Variants in HTR2A observed in about 807,000 individuals in gnomAD.
HTR2A encodes 5-hydroxytryptamine receptor 2A.
Under a neutral mutation model 31.0 loss-of-function variants are expected in HTR2A, and 14 were observed. The observed-to-expected ratio is 0.45, with a 90% CI of 0.30 to 0.71. The LOEUF is 0.71. Ranked by LOEUF, HTR2A falls within the 30% of genes least tolerant of loss-of-function variation. HTR2A has a pLI of 0.09. For synonymous variants in HTR2A, 209 were observed against 225.2 expected, an observed-to-expected ratio of 0.93 and a Z score of 0.64; for missense variants, 442 against 573.3, an observed-to-expected ratio of 0.77 and a Z score of 2.34.
intron 2 of HTR2A, among the ~76,000 whole-genome samples, chr13:46,894,335 C>T (rs775510878): frequency 1.6e-4 from 24 of 152,206 alleles, no homozygotes; most frequent in Non-Finnish European, 2.9e-4. Flanking sequence ...CTCCTACCCC[C>T]ACTGGAGTTT....
At chr13:46,896,550 A>G (rs1951106652) in intron 1 of HTR2A, 124 bp downstream of exon 1, 3 of 778,550 alleles carry the variant, frequency 3.9e-6, no homozygotes, top group Non-Finnish European at 3.9e-6. Flanking sequence ...AGTCTTAAGT[A>G]AAGATTAGCA....
At chr13:46,864,819 C>T (rs1950807085) in intron 3 of HTR2A, among the ~76,000 whole-genome samples, 1 of 152,154 alleles carries the variant, frequency 6.6e-6, no homozygotes, top group African/African-American at 2.4e-5. Flanking sequence ...ATCTGTTTGG[C>T]TGTATAAAAG....
At chr13:46,840,411 A>G (rs1950589245) in intron 3 of HTR2A, among the ~76,000 whole-genome samples, 1 of 152,180 alleles carries the variant, frequency 6.6e-6, no homozygotes, top group Non-Finnish European at 1.5e-5. Flanking sequence ...TTTTTCTCAG[A>G]TTAATTCCAA....
At chr13:46,863,446 C>G (rs772401141) in intron 3 of HTR2A, among the ~76,000 whole-genome samples, 1 of 150,684 alleles carries the variant, frequency 6.6e-6, no homozygotes. Context: ...AACATAGCAG[C>G]GCCTCATCTC....
intron 3 of HTR2A, among the ~76,000 whole-genome samples, chr13:46,875,810 CA>C: frequency 6.6e-6 from 1 of 152,106 alleles, no homozygotes; most frequent in East Asian, 1.9e-4. Flanking sequence ...AGTGGCTCTC[CA>C]AAAGTAATCC....
At position 46,832,290 on chromosome 13, in the gene HTR2A, CTGAG is replaced by C. The variant is rs1467874097; in HGVS notation, c.*2543_*2546del. The C allele has an allele frequency of 6.6e-6, 1 of 152,286 alleles. No individual in the cohort carries two copies. The highest frequency in any genetic ancestry group is 1.9e-4 in the East Asian group (1 of 5,192). 9.4% of individuals were successfully genotyped at this position (152,286 alleles called of 1,614,324 possible). A position where few individuals can be genotyped will look rare whatever the true frequency, so the allele number is the denominator to read the frequency against. ...ACAAACATGCACACATGTGTATATA[CTGAG>C]TGTTTTCATTGACTTGCTTTTCGTC... is the stretch of plus-strand genomic sequence containing the variant. On this transcript the variant is annotated 3_prime_UTR_variant, in exon 4 of 4. Transcript: ENST00000542664.
intron 3 of HTR2A, chr13:46,855,943 T>A (rs1334463964): frequency 6.6e-6 from 1 of 152,232 alleles, no homozygotes; most frequent in Admixed American, 6.5e-5. Context: ...GCTACTATTG[T>A]CTTGTACTTA....
rs955741003 is a variant in HTR2A at position 46,896,675 on chromosome 13, T to C, written c.-330A>G. On this transcript the variant is annotated splice_region_variant and 5_prime_UTR_variant, in exon 1 of 4. The change abolishes an upstream ATG in the 5' untranslated region. Coordinates refer to ENST00000542664, the MANE Select transcript of HTR2A (RefSeq NM_000621.5). ...AAATATAGCGGCATGAGAACTTACATTTGTCTTCAGGGTCCACACATGAGA... is the reference window on the plus strand; with the variant it reads ...AAATATAGCGGCATGAGAACTTACACTTGTCTTCAGGGTCCACACATGAGA... 1 of 1,522,228 alleles carries C rather than the reference T, an allele frequency of 6.6e-7. No individual in the cohort carries two copies. The highest frequency in any genetic ancestry group is 8.8e-7 in the Non-Finnish European group (1 of 1,140,104). The allele number at this position is 1,522,228 out of a possible 1,614,324, so 94.3% of individuals were successfully genotyped here.
At chr13:46,867,079 T>C (rs906813068) in intron 3 of HTR2A, among the ~76,000 whole-genome samples, 4 of 152,062 alleles carry the variant, frequency 2.6e-5, no homozygotes, top group African/African-American at 7.2e-5. Context: ...GGATGGGGAA[T>C]AGATGGGAGA....
At chr13:46,846,349 C>T (rs1950642833) in intron 3 of HTR2A, among the ~76,000 whole-genome samples, 1 of 152,170 alleles carries the variant, frequency 6.6e-6, no homozygotes, top group Non-Finnish European at 1.5e-5. Context: ...TGTTCTACAG[C>T]CATCCTTAAT....
intron 3 of HTR2A, among the ~76,000 whole-genome samples, chr13:46,846,061 T>C (rs1054163445): frequency 6.6e-6 from 1 of 152,168 alleles, no homozygotes; most frequent in Non-Finnish European, 1.5e-5. Context: ...ACAGCCTAGG[T>C]AGGGAACCTG....
Position 46,896,856 on chromosome 13 carries a change from C to A in HTR2A, c.-511G>T. 6.5e-7 allele frequency: 1 copy of A among 1,535,860 alleles called. No homozygotes were observed. The highest frequency in any genetic ancestry group is 1.2e-5 in the South Asian group (1 of 83,800). On this transcript the variant is annotated 5_prime_UTR_variant, in exon 1 of 4. Transcript: ENST00000542664. ...CATGCAAGAGCTGAGCCAGCTCCCG[C>A]ACTGCTAGGATCCTGTTGGCTTCCT...
chr13:46,841,426 T>C (rs1950596229), intron 3 of HTR2A, among the ~76,000 whole-genome samples: 2 of 152,110 alleles, frequency 1.3e-5, no homozygotes, highest in South Asian at 4.1e-4. Context: ...ATAATCAACA[T>C]TTAGTTTCTT....
At chr13:46,891,415 T>A (rs569820275) in intron 3 of HTR2A, among the ~76,000 whole-genome samples, 55 of 152,352 alleles carry the variant, frequency 3.6e-4, no homozygotes, top group Non-Finnish European at 4.4e-4. Context: ...TCAAATTGCA[T>A]AATAGTTCCC....
chr13:46,837,175 G>T (rs1311134266), intron 3 of HTR2A, among the ~76,000 whole-genome samples: 1 of 152,112 alleles, frequency 6.6e-6, no homozygotes, highest in African/African-American at 2.4e-5. Context: ...CCCACTTGAT[G>T]ATAGGACCTT....
At position 46,834,563 on chromosome 13, in the gene HTR2A, C is replaced by T. The variant is rs891972428; in HGVS notation, c.*274G>A. ...ATTTACTTAGGGCTTCATAATTATA[C>T]AATAAAAGTGAATCATTTTAAAGAC... On this transcript the variant is annotated 3_prime_UTR_variant, in exon 4 of 4. Transcript: ENST00000542664. 1 of 375,648 alleles carries T rather than the reference C, an allele frequency of 2.7e-6. No homozygotes were observed. The highest frequency in any genetic ancestry group is 4.8e-6 in the Non-Finnish European group (1 of 209,606). 23.3% of individuals were successfully genotyped at this position (375,648 alleles called of 1,614,324 possible).
intron 3 of HTR2A, among the ~76,000 whole-genome samples, chr13:46,867,264 T>A (rs180860619): frequency 1.3e-5 from 2 of 152,284 alleles, no homozygotes; most frequent in East Asian, 3.9e-4. Context: ...CACCTAGAGA[T>A]AAGTTACCCT....
intron 3 of HTR2A, among the ~76,000 whole-genome samples, chr13:46,861,465 C>CA (rs1593434535): frequency 6.6e-6 from 1 of 152,216 alleles, no homozygotes; most frequent in East Asian, 1.9e-4. Context: ...CAGCTGTGGG[C>CA]AAAGGAGTAA....
chr13:46,840,878 T>G (rs183671863), intron 3 of HTR2A, among the ~76,000 whole-genome samples: 13 of 152,264 alleles, frequency 8.5e-5, no homozygotes, highest in Non-Finnish European at 1.6e-4. Context: ...ATTACACCAA[T>G]TGATATGGTT....
Sources: allele counts gnomAD v4.1 joint callset (sites outside exome capture counted in the v4.1 genomes callset), GRCh38; gene constraint gnomAD v4.1.1; transcripts MANE v1.5; gene names NCBI Gene and HGNC (gene_info 2026-07-23, HGNC 2026-07-21).